Variants in CSMD3 observed in about 807,000 individuals in gnomAD.
The protein encoded by CSMD3 is CUB and sushi domain-containing protein 3.
Under a neutral mutation model 435.2 loss-of-function variants are expected in CSMD3, and 177 were observed. The ratio of observed to expected loss-of-function variants is 0.41; its 90% CI spans 0.36 to 0.46. CSMD3 has a LOEUF of 0.46. CSMD3 is among the 20% of genes least tolerant of loss of function. The pLI is 0.34. For missense variants in CSMD3, 4,265 were observed against 4,504.6 expected (o/e 0.95, Z 1.52); for synonymous variants, 1,656 against 1,520.5 (o/e 1.09, Z -2.07).
chr8:112,403,034 C>A (rs954124124), intron 35 of CSMD3, among the ~76,000 whole-genome samples: 1 of 152,054 alleles, frequency 6.6e-6, no homozygotes, highest in African/African-American at 2.4e-5. Context: ...CCATATTAAC[C>A]CCAGCTCTCT....
chr8:112,873,198 A>G (rs2081185656), intron 10 of CSMD3, among the ~76,000 whole-genome samples: 1 of 152,020 alleles, frequency 6.6e-6, no homozygotes, highest in South Asian at 2.1e-4. Flanking sequence ...AAAAAATCAT[A>G]AAGCAGGAAT....
rs552811200 is a variant in CSMD3, at chr8:112,581,625, G to GA, written c.3885+5440dup. 1.2e-3 allele frequency among the ~76,000 whole-genome samples: 185 copies of GA among 152,030 alleles called. 1 individual carries two copies. The highest frequency in any genetic ancestry group is 4.0e-3 in the African/African-American group (164 of 41,502). ...TATAGTAAATTTGTCCTTTCTAGAA[G>GA]AAAAGAATGTTTATGGAGCATTTAC... is the stretch of plus-strand genomic sequence containing the variant. On this transcript the variant is annotated intron_variant, in intron 23 of 70. Transcript: ENST00000297405.
At chr8:113,005,847 C>T (rs942390045) in intron 6 of CSMD3, among the ~76,000 whole-genome samples, 4 of 151,918 alleles carry the variant, frequency 2.6e-5, no homozygotes, top group Non-Finnish European at 5.9e-5. Flanking sequence ...AATTCTCAAC[C>T]ATTCATTAAT....
At position 112,562,644 on chromosome 8, in the gene CSMD3, A is replaced by T. The variant is rs555356569; in HGVS notation, c.4043-5690T>A. 2.6e-5 allele frequency among the ~76,000 whole-genome samples: 4 copies of T among 151,694 alleles called. No homozygotes were observed. In the East Asian group the frequency reaches 7.8e-4, roughly 30 times the overall value. ...ATGAATATTATATTATTATGCAATAATTTTAACCTCTATAGAATTGTTGGT... is the reference window on the plus strand; with the variant it reads ...ATGAATATTATATTATTATGCAATATTTTTAACCTCTATAGAATTGTTGGT... On this transcript the variant is annotated intron_variant, in intron 24 of 70. Transcript: ENST00000297405.
intron 38 of CSMD3, among the ~76,000 whole-genome samples, chr8:112,361,885 A>G (rs1827276928): frequency 6.6e-6 from 1 of 151,732 alleles, no homozygotes; most frequent in Non-Finnish European, 1.5e-5. Flanking sequence ...GTGATAGTAA[A>G]GATCTTTTTA....
chr8:112,452,304 C>T (rs891991332), intron 32 of CSMD3, among the ~76,000 whole-genome samples: 2 of 152,146 alleles, frequency 1.3e-5, no homozygotes, highest in African/African-American at 4.8e-5. Flanking sequence ...AAACTATGTA[C>T]ATCACACCAA....
intron 38 of CSMD3, among the ~76,000 whole-genome samples, chr8:112,352,935 A>C (rs569971044): frequency 6.8e-6 from 1 of 147,444 alleles, no homozygotes; most frequent in Non-Finnish European, 1.5e-5. Flanking sequence ...GCAAAAACTT[A>C]AAAATTATTT....
At chr8:113,064,561 TAC>T (rs1203180437) in intron 5 of CSMD3, among the ~76,000 whole-genome samples, 1 of 152,130 alleles carries the variant, frequency 6.6e-6, no homozygotes, top group Non-Finnish European at 1.5e-5. Context: ...ACGAAAATAA[TAC>T]AGCAGGATAA....
chr8:112,597,453 T>A (rs1456161923), intron 22 of CSMD3, among the ~76,000 whole-genome samples: 1 of 129,764 alleles, frequency 7.7e-6, no homozygotes, highest in Non-Finnish European at 1.6e-5. Context: ...GAGGAACTGG[T>A]ACCATTCCTT....
chr8:112,263,737 A>G lies in CSMD3; in HGVS notation c.9764T>C (p.Ile3255Thr), dbSNP rs1363035951. 6.2e-7 allele frequency: 1 copy of G among 1,613,886 alleles called. No individual in the cohort carries two copies. Among genetic ancestry groups the G allele is most frequent in the East Asian group, 2.2e-5 (1 of 44,854 alleles). ...ATAGCCTGGAGAACAGATGTAGCTA[A>G]TACTAAAGCCCCAGTCGAAATTTGT... ...EGTNFDWGFS[I>T]SYICSPGYEL... Residue 3255 changes from isoleucine (I) to threonine (T), a missense_variant, in exon 61 of 71, where the codon ATT (isoleucine) becomes ACT (threonine). Around this residue, in one of 3 missense-constraint regions of CSMD3, gnomAD observed 3,255 missense variants for 3,380.2 expected, o/e 0.96. Transcript: ENST00000297405.
chr8:112,550,606 A>G, intron 27 of CSMD3, 65 bp downstream of exon 27: 2 of 845,920 alleles, frequency 2.4e-6, no homozygotes, highest in Non-Finnish European at 2.0e-6. Flanking sequence ...TGAACAGTAA[A>G]GTTAACATGA....
chr8:113,187,967 A>G (rs1183082275), intron 3 of CSMD3, among the ~76,000 whole-genome samples: 3 of 151,952 alleles, frequency 2.0e-5, no homozygotes, highest in Non-Finnish European at 4.4e-5. Flanking sequence ...CTTGCTTCAC[A>G]GGTTTGCTTA....
intron 8 of CSMD3, among the ~76,000 whole-genome samples, 166 bp downstream of exon 8, chr8:112,954,518 A>C (rs1587752161): frequency 1.3e-5 from 2 of 151,720 alleles, no homozygotes; most frequent in Non-Finnish European, 3.0e-5. Context: ...AAATCAATAT[A>C]CATTAAAATA....
intron 6 of CSMD3, among the ~76,000 whole-genome samples, chr8:113,004,331 G>T (rs1190814189): frequency 1.3e-5 from 2 of 151,960 alleles, no homozygotes; most frequent in Non-Finnish European, 2.9e-5. Context: ...ACAAAAAAAT[G>T]TAGCATGAAA....
At chr8:113,350,776 C>T (rs2094184890) in intron 1 of CSMD3, among the ~76,000 whole-genome samples, 1 of 152,082 alleles carries the variant, frequency 6.6e-6, no homozygotes, top group Admixed American at 6.6e-5. Flanking sequence ...AGAATTAAGT[C>T]CATGTCGGAC....
Position 112,774,883 on chromosome 8 carries a change from T to C in CSMD3, c.1972+25279A>G, listed in dbSNP as rs143766125. On this transcript the variant is annotated intron_variant, in intron 13 of 70. Transcript: ENST00000297405. ...TAAATCATATAATACAACTGATTGC[T>C]TAAATTCCTCTGATGACTTCCTAAG... is the stretch of plus-strand genomic sequence containing the variant. Among the ~76,000 whole-genome samples the C allele has an allele frequency of 2.0e-4, 30 of 152,138 alleles. No homozygotes were observed. In the East Asian group the frequency reaches 3.5e-3, roughly 18 times the overall value.
intron 4 of CSMD3, among the ~76,000 whole-genome samples, chr8:113,173,178 T>C (rs555643665): frequency 1.3e-5 from 2 of 152,264 alleles, no homozygotes; most frequent in South Asian, 2.1e-4. Context: ...AAATACACAA[T>C]GCATGCATAA....
intron 45 of CSMD3, among the ~76,000 whole-genome samples, chr8:112,330,596 T>G (rs1407100561): frequency 6.6e-6 from 1 of 152,092 alleles, no homozygotes; most frequent in African/African-American, 2.4e-5. Context: ...TTAGAAACTA[T>G]AAAGAATACA....
chr8:112,961,438 A>G (rs560779833), intron 7 of CSMD3, among the ~76,000 whole-genome samples: 2 of 152,024 alleles, frequency 1.3e-5, no homozygotes, highest in Admixed American at 6.6e-5. Flanking sequence ...GTATTTCAAG[A>G]TTCTCCACTA....
Sources: allele counts gnomAD v4.1 joint callset (sites outside exome capture counted in the v4.1 genomes callset), GRCh38; gene constraint gnomAD v4.1.1; regional missense constraint gnomAD v4.1.1; transcripts MANE v1.5; gene names NCBI Gene and HGNC (gene_info 2026-07-23, HGNC 2026-07-21).